The following LRP1B variants were observed in gnomAD, a reference collection of about 807,000 sequenced individuals.
LRP1B encodes the protein LDL receptor related protein 1B, also known as low-density lipoprotein receptor-related protein 1B.
LRP1B carries 217 observed loss-of-function variants against 556.6 expected under a neutral mutation model. That is an observed-to-expected ratio of 0.39 (90% CI 0.35 to 0.44). The LOEUF is 0.44. Among genes scored for constraint, LRP1B ranks in the 20% least tolerant of loss-of-function variants. LRP1B has a pLI of 1.00. For missense variants in LRP1B, 5,053 were observed against 5,620.8 expected (o/e 0.90, Z 3.23); for synonymous variants, 2,047 against 1,865.8 (o/e 1.10, Z -2.50).
At chr2:142,052,774 A>G (rs758430525) in intron 1 of LRP1B, among the ~76,000 whole-genome samples, 5 of 151,588 alleles carry the variant, frequency 3.3e-5, no homozygotes, top group Non-Finnish European at 7.4e-5. Flanking sequence ...TCTCTGGCTT[A>G]CACACAAGTA....
rs191777932 is a variant in LRP1B at position 141,638,198 on chromosome 2, A to T, written c.206-157665T>A. On this transcript the variant is annotated intron_variant, in intron 2 of 90. Transcript: ENST00000389484. ...CAAGACCTTGTCTCAAAGAAAAAAA[A>T]CTAAAAAAGAATCTAGGACTTCCCT... Among the ~76,000 whole-genome samples the T allele has an allele frequency of 8.5e-5, 13 of 152,134 alleles. No individual in the cohort carries two copies. The East Asian group carries it at 2.5e-3, about 30-fold the overall frequency.
intron 1 of LRP1B, among the ~76,000 whole-genome samples, chr2:142,069,220 T>C (rs776275744): frequency 1.3e-5 from 2 of 151,666 alleles, no homozygotes; most frequent in African/African-American, 2.4e-5. Context: ...AAATGTGCTG[T>C]AATTTAAAAG....
chr2:141,701,392 T>A lies in LRP1B; in HGVS notation c.205+108887A>T, dbSNP rs1484511939. On this transcript the variant is annotated intron_variant, in intron 2 of 90. Coordinates refer to ENST00000389484, the MANE Select transcript of LRP1B (RefSeq NM_018557.3). ...CTTTACCCTTGTCTGTATGATGGAC[T>A]CCTAAGCATCACAAGAACAACTCAG... Among the ~76,000 whole-genome samples the A allele has an allele frequency of 3.3e-5, 5 of 151,856 alleles. No homozygotes were observed. The Admixed American group carries it at 3.3e-4, about 10-fold the overall frequency.
chr2:140,772,496 G>A (rs936763102), intron 33 of LRP1B, among the ~76,000 whole-genome samples: 5 of 152,018 alleles, frequency 3.3e-5, no homozygotes, highest in African/African-American at 9.7e-5. Flanking sequence ...TTTTAGGAGA[G>A]ATGGGATTTC....
intron 31 of LRP1B, among the ~76,000 whole-genome samples, chr2:140,835,744 G>A (rs909570978): frequency 4.6e-5 from 7 of 152,046 alleles, no homozygotes; most frequent in African/African-American, 1.7e-4. Context: ...TCACCATGTT[G>A]GCAAGGCTGG....
intron 1 of LRP1B, among the ~76,000 whole-genome samples, chr2:141,984,554 T>G (rs1702131132): frequency 6.6e-6 from 1 of 152,130 alleles, no homozygotes; most frequent in African/African-American, 2.4e-5. Flanking sequence ...AGCCTGATAA[T>G]CATATCTTTC....
chr2:141,050,923 AAC>A (rs1699018627), intron 10 of LRP1B, among the ~76,000 whole-genome samples: 1 of 127,154 alleles, frequency 7.9e-6, no homozygotes, highest in Non-Finnish European at 1.7e-5. Context: ...AAGGAACTTA[AAC>A]ACATTTACAA....
At chr2:140,624,705 A>T (rs1467336445) in intron 41 of LRP1B, among the ~76,000 whole-genome samples, 1 of 152,216 alleles carries the variant, frequency 6.6e-6, no homozygotes, top group African/African-American at 2.4e-5. Flanking sequence ...TTTTTAAAGC[A>T]ATCAACTCTA....
At chr2:140,381,375 A>C (rs1336149626) in intron 67 of LRP1B, among the ~76,000 whole-genome samples, 1 of 152,122 alleles carries the variant, frequency 6.6e-6, no homozygotes, top group Non-Finnish European at 1.5e-5. Context: ...TATTTCCAAA[A>C]TGCTATATTC....
At chr2:140,934,630 G>T (rs531991015) in intron 20 of LRP1B, among the ~76,000 whole-genome samples, 1 of 152,224 alleles carries the variant, frequency 6.6e-6, no homozygotes, top group African/African-American at 2.4e-5. Context: ...GGAGCAGCTT[G>T]CACACAGCTT....
intron 43 of LRP1B, among the ~76,000 whole-genome samples, chr2:140,579,067 A>T (rs1218082827): frequency 6.6e-6 from 1 of 152,124 alleles, no homozygotes; most frequent in Non-Finnish European, 1.5e-5. Context: ...AAAGAAAGAA[A>T]AAAAGAGGAA....
At chr2:140,830,527 A>C (rs1162501810) in intron 31 of LRP1B, among the ~76,000 whole-genome samples, 2 of 152,126 alleles carry the variant, frequency 1.3e-5, no homozygotes, top group East Asian at 3.8e-4. Flanking sequence ...TAGATGAAAA[A>C]GCATTTTAAA....
At chr2:141,650,234 G>A (rs942522201) in intron 2 of LRP1B, among the ~76,000 whole-genome samples, 3 of 152,158 alleles carry the variant, frequency 2.0e-5, no homozygotes, top group Admixed American at 6.5e-5. Context: ...ATATAACCCT[G>A]TCCCTTTCAC....
chr2:140,455,951 A>ACC (rs1687091654), intron 62 of LRP1B, among the ~76,000 whole-genome samples: 2 of 152,160 alleles, frequency 1.3e-5, no homozygotes, highest in Admixed American at 6.6e-5. Flanking sequence ...AGACAAGTTA[A>ACC]CTCCTGGGAT....
At position 141,363,223 on chromosome 2, in the gene LRP1B, T is replaced by C. The variant is rs76347708; in HGVS notation, c.344-108582A>G. On this transcript the variant is annotated intron_variant, in intron 3 of 90. Coordinates refer to ENST00000389484, the MANE Select transcript of LRP1B (RefSeq NM_018557.3). ...ATTTCTGTCCAATCTTAACCATTCT[T>C]CAAAACCCATTCAAGTATTTAAATG... 4.4e-3 allele frequency among the ~76,000 whole-genome samples: 666 copies of C among 152,278 alleles called. 24 individuals are homozygous for C. In the East Asian group the frequency reaches 0.078, roughly 18 times the overall value.
intron 2 of LRP1B, among the ~76,000 whole-genome samples, chr2:141,661,504 A>G (rs1398065394): frequency 6.6e-6 from 1 of 152,228 alleles, no homozygotes; most frequent in Non-Finnish European, 1.5e-5. Context: ...ATGGACTTGA[A>G]AAACACAACA....
At chr2:141,707,551 C>T (rs1692189429) in intron 2 of LRP1B, among the ~76,000 whole-genome samples, 1 of 152,122 alleles carries the variant, frequency 6.6e-6, no homozygotes. Context: ...TAGAGGCACT[C>T]CTGCAATTAC....
chr2:141,214,084 G>A (rs964845089), intron 6 of LRP1B, among the ~76,000 whole-genome samples: 5 of 151,932 alleles, frequency 3.3e-5, no homozygotes, highest in East Asian at 3.9e-4. Context: ...TTAATCCATC[G>A]TTGGTTTAAT....
chr2:140,267,622 A>C (rs1366942315), intron 86 of LRP1B, among the ~76,000 whole-genome samples: 1 of 151,950 alleles, frequency 6.6e-6, no homozygotes, highest in African/African-American at 2.4e-5. Flanking sequence ...CGGGGTCAGC[A>C]CAGACACAAT....
Sources: gnomAD v4.1 joint callset for allele counts (sites outside exome capture counted in the v4.1 genomes callset) on GRCh38, gnomAD v4.1.1 for gene constraint, MANE v1.5 for transcripts, NCBI Gene and HGNC (gene_info 2026-07-23, HGNC 2026-07-21) for gene names.